The following ZNF653 variants were observed in gnomAD, a reference collection of about 807,000 sequenced individuals.
The protein encoded by ZNF653 is 67 kDa zinc finger protein.
In ZNF653, 37 loss-of-function variants were observed where a neutral mutation model predicts 59.9. The ratio of observed to expected loss-of-function variants is 0.62; its 90% CI spans 0.48 to 0.81. The LOEUF is 0.81. ZNF653 is among the 40% of genes least tolerant of loss of function. The pLI is 0.00. For synonymous variants in ZNF653, 435 were observed against 371.8 expected (o/e 1.17, Z -1.96); for missense variants, 808 against 881.1 (o/e 0.92, Z 1.05).
chr19:11,497,646 C>G (rs891279534), intron 2 of ZNF653, among the ~76,000 whole-genome samples: 3 of 152,196 alleles, frequency 2.0e-5, no homozygotes, highest in Non-Finnish European at 4.4e-5. Flanking sequence ...GCATGTCCCC[C>G]ACTCCTACCC....
At chr19:11,489,138 G>A (rs73512762) in intron 3 of ZNF653, among the ~76,000 whole-genome samples, 12,706 of 151,862 alleles carry the variant, frequency 0.084, 1,194 homozygotes, top group African/African-American at 0.24. Flanking sequence ...GACCTTGGGT[G>A]ATCCATCCAC....
rs1403051376 is a variant in ZNF653 at position 11,487,735 on chromosome 19, T to C, written c.728A>G (p.His243Arg). The C allele has an allele frequency of 6.2e-7, 1 of 1,613,570 alleles. No homozygotes were observed. Among genetic ancestry groups the C allele is most frequent in the Admixed American group, 1.7e-5 (1 of 60,020 alleles). ...SSGLITQEGV[H>R]IPFDVHHVES... ...CACGTGGTGGACGTCAAAGGGAATG[T>C]GCACGCCCTCCTGAGTGATGAGCCC... Residue 243 changes from histidine (H) to arginine (R), a missense_variant, in exon 4 of 9, where the codon CAC (histidine) becomes CGC (arginine). Coordinates refer to ENST00000293771, the MANE Select transcript of ZNF653 (RefSeq NM_138783.4). This position sits in a 1 kb window ranked among gnomAD's most constrained non-coding sequence, Gnocchi z 5.1.
chr19:11,496,008 G>A lies in ZNF653; in HGVS notation c.501C>T (p.Phe167=), dbSNP rs1288900146. The A allele has an allele frequency of 2.5e-6, 4 of 1,614,064 alleles. No individual in the cohort carries two copies. In the Admixed American group the frequency reaches 6.7e-5, roughly 27 times the overall value. The change falls in exon 3 of 9, where the codon TTC becomes TTT. Residue 167 remains phenylalanine (F), a synonymous_variant. Coordinates refer to ENST00000293771, the MANE Select transcript of ZNF653 (RefSeq NM_138783.4). ...GCTTCAGGGGCGAATGCAGGTCCTG[G>A]AAGTAGCGGTGGCCAGCTTCGCACT... ...VWQCEAGHRY[F]QDLHSPLKPL...
At chr19:11,483,916 G>T (rs1213057479) in intron 8 of ZNF653, 57 bp from the exon 9 acceptor site, 2 of 1,507,428 alleles carry the variant, frequency 1.3e-6, no homozygotes, top group Non-Finnish European at 1.8e-6. Flanking sequence ...GCGGGGCGGG[G>T]CCCTACAAGG....
rs36103734 is a variant in ZNF653 at position 11,487,425 on chromosome 19, G to C, written c.1038C>G (p.Pro346=). ...HLNMAAGSGV[P]GSGLGEEVPC... Reference sequence around the variant, plus strand: ...GCACCTCCTCGCCCAGTCCACTGCCGGGGACACCGCTGCCTGCTGCCATGT... The same window carrying C: ...GCACCTCCTCGCCCAGTCCACTGCCCGGGACACCGCTGCCTGCTGCCATGT... The change falls in exon 4 of 9, where the codon CCC becomes CCG. Residue 346 remains proline, a synonymous_variant. Transcript: ENST00000293771. The surrounding 1 kb of genome is among the most constrained non-coding windows in gnomAD (Gnocchi z 5.1). 1 of 1,612,142 alleles carries C rather than the reference G, an allele frequency of 6.2e-7. No individual in the cohort carries two copies. Among genetic ancestry groups the C allele is most frequent in the South Asian group, 1.1e-5 (1 of 91,082 alleles).
At chr19:11,489,122 A>T (rs1299523350) in intron 3 of ZNF653, among the ~76,000 whole-genome samples, 2 of 149,326 alleles carry the variant, frequency 1.3e-5, no homozygotes, top group Non-Finnish European at 3.0e-5. Context: ...CTAGCCTCAA[A>T]CTCCTGACCT....
At position 11,483,662 on chromosome 19, in the gene ZNF653, G is replaced by C; in HGVS notation, c.*20C>G. 6.2e-7 allele frequency: 1 copy of C among 1,603,742 alleles called. No homozygotes were observed. The highest frequency in any genetic ancestry group is 8.5e-7 in the Non-Finnish European group (1 of 1,171,574). ...TGTCCGAGCGGACGAATAAATAGGG[G>C]CGGTCAGTGGTCAGGTGGGTCAGGT... is the stretch of plus-strand genomic sequence containing the variant. On this transcript the variant is annotated 3_prime_UTR_variant, in exon 9 of 9. Transcript: ENST00000293771.
At position 11,495,715 on chromosome 19, in the gene ZNF653, T is replaced by C. The variant is rs908992534; in HGVS notation, c.559+235A>G. 5.1e-5 allele frequency: 27 copies of C among 531,238 alleles called. No individual in the cohort carries two copies. Among genetic ancestry groups the C allele is most frequent in the African/African-American group, 4.4e-4 (23 of 52,234 alleles). 32.9% of individuals were successfully genotyped at this position (531,238 alleles called of 1,614,324 possible). A position where few individuals can be genotyped will look rare whatever the true frequency, so the allele number is the denominator to read the frequency against. On this transcript the variant is annotated intron_variant, in intron 3 of 8. Transcript: ENST00000293771. This position sits in a 1 kb window ranked among gnomAD's most constrained non-coding sequence, Gnocchi z 4.9. ...GCCTGGGACTGGCCTTGGGCACAGA[T>C]TGGCAAACTGCTCCATAAAGAGGGA...
At chr19:11,505,153 G>A (rs1396574284) in intron 1 of ZNF653, 2 of 265,814 alleles carry the variant, frequency 7.5e-6, no homozygotes, top group African/African-American at 4.5e-5. Context: ...GAGGGGGCGG[G>A]GCTGCCCCCC....
At position 11,498,432 on chromosome 19, in the gene ZNF653, T is replaced by C. The variant is rs1971610527; in HGVS notation, c.300-93A>G. 1.6e-5 allele frequency: 24 copies of C among 1,532,732 alleles called. 1 individual carries two copies. In the South Asian group the frequency reaches 2.5e-4, roughly 16 times the overall value. 94.9% of individuals were successfully genotyped at this position (1,532,732 alleles called of 1,614,324 possible). On this transcript the variant is annotated intron_variant, in intron 1 of 8. Transcript: ENST00000293771. The stretch of plus-strand genomic sequence containing the variant: ...CAACAGTGGCTAGAGCCACTGCTCA[T>C]TGTACACTGAAACTAAATCTGAACT...
At chr19:11,504,888 C>G (rs1283349096) in intron 1 of ZNF653, 1 of 152,472 alleles carries the variant, frequency 6.6e-6, no homozygotes, top group African/African-American at 2.4e-5. Flanking sequence ...CTGCCCTCCA[C>G]CTGCCAAGCT....
chr19:11,487,239 C>A lies in ZNF653; in HGVS notation c.1171+53G>T, dbSNP rs893284453. ...ACTTCGAGGGCCATTCCTCGCCCGG[C>A]CCCTCCCAGGCCCAACCACCCCTGG... is the stretch of plus-strand genomic sequence containing the variant. On this transcript the variant is annotated intron_variant, in intron 4 of 8. Transcript: ENST00000293771. This position sits in a 1 kb window ranked among gnomAD's most constrained non-coding sequence, Gnocchi z 5.1. The A allele has an allele frequency of 8.8e-6, 14 of 1,598,612 alleles. No individual in the cohort carries two copies. In the East Asian group the frequency reaches 1.1e-4, roughly 13 times the overall value.
intron 1 of ZNF653, among the ~76,000 whole-genome samples, chr19:11,504,058 T>C (rs906035888): frequency 6.6e-6 from 1 of 151,954 alleles, no homozygotes; most frequent in Non-Finnish European, 1.5e-5. Context: ...TAAGCCGTGA[T>C]CATGCCACTG....
chr19:11,487,346 T>C lies in ZNF653; in HGVS notation c.1117A>G (p.Ser373Gly), dbSNP rs748704537. 1.9e-6 allele frequency: 3 copies of C among 1,613,524 alleles called. No homozygotes were observed. The African/African-American group carries it at 4.0e-5, about 22-fold the overall frequency. ...AAYTQTEPEG[S>G]QPSTMDATAV... The stretch of plus-strand genomic sequence containing the variant: ...GTGGCGTCCATGGTGCTAGGCTGGC[T>C]ACCCTCGGGCTCTGTCTGGGTGTAG... Residue 373 changes from serine to glycine, a missense_variant, in exon 4 of 9, where the codon AGC becomes GGC. Transcript: ENST00000293771. The surrounding 1 kb of genome is among the most constrained non-coding windows in gnomAD (Gnocchi z 5.1).
At chr19:11,505,103 A>T in intron 1 of ZNF653, 1 of 197,500 alleles carries the variant, frequency 5.1e-6, no homozygotes, top group African/African-American at 2.3e-5. Context: ...CCAGAGTCCC[A>T]GGCCAGGTGG....
At position 11,504,117 on chromosome 19, in the gene ZNF653, G is replaced by C. The variant is rs528555425; in HGVS notation, c.299+1371C>G. Among the ~76,000 whole-genome samples, 8 of 151,716 alleles carry C rather than the reference G, an allele frequency of 5.3e-5. No individual in the cohort carries two copies. The South Asian group carries it at 1.7e-3, about 32-fold the overall frequency. On this transcript the variant is annotated intron_variant, in intron 1 of 8. Transcript: ENST00000293771. ...GAGACCCTGTCTCAAAAAGAAAAAC[G>C]AGGGCCGGGCGCGGTGGCTCACGCC...
rs773877710 is a variant in ZNF653 at position 11,496,127 on chromosome 19, TCAC to T, written c.379_381del (p.Val127del). 6.2e-7 allele frequency: 1 copy of T among 1,613,990 alleles called. No individual in the cohort carries two copies. The highest frequency in any genetic ancestry group is 1.1e-5 in the South Asian group (1 of 91,076). ...CGGTGCTTGTGGTCCTCGTACCAGATCACCACGTTCTTCAGGCAGTTCACGTTG... is the reference window on the plus strand; with the variant it reads ...CGGTGCTTGTGGTCCTCGTACCAGATCACGTTCTTCAGGCAGTTCACGTTG... On this transcript the variant is annotated inframe_deletion, in exon 3 of 9. Coordinates refer to ENST00000293771, the MANE Select transcript of ZNF653 (RefSeq NM_138783.4).
rs1434373193 is a variant in ZNF653, at chr19:11,505,775, C to T, written c.12G>A (p.Arg4=). The T allele has an allele frequency of 3.5e-6, 5 of 1,409,698 alleles. No homozygotes were observed. The African/African-American group carries it at 7.6e-5, about 21-fold the overall frequency. 87.3% of individuals were successfully genotyped at this position (1,409,698 alleles called of 1,614,324 possible). ...CCGCCTCCGCCTCGGGCTCTAGCGC[C>T]CGCTCCGCCATCCCCCCCACCCTGG... The part of the protein sequence containing the change: MAE[R]ALEPEAEAEA... The change falls in exon 1 of 9, where the codon CGG becomes CGA. Residue 4 remains arginine, a synonymous_variant. Coordinates refer to ENST00000293771, the MANE Select transcript of ZNF653 (RefSeq NM_138783.4).
chr19:11,496,295 T>G, intron 2 of ZNF653, 130 bp from the exon 3 acceptor site: 1 of 855,064 alleles, frequency 1.2e-6, no homozygotes, highest in Non-Finnish European at 1.8e-6. Flanking sequence ...TCCAGGCCTG[T>G]ACCCAGTTTA....
Sources: allele counts gnomAD v4.1 joint callset (sites outside exome capture counted in the v4.1 genomes callset), GRCh38; gene constraint gnomAD v4.1.1; non-coding constraint Gnocchi (gnomAD v3.1); transcripts MANE v1.5; gene names NCBI Gene and HGNC (gene_info 2026-07-23, HGNC 2026-07-21).